The following CHST11 variants were observed in gnomAD, a reference collection of about 807,000 sequenced individuals.
CHST11 encodes carbohydrate sulfotransferase 11.
A neutral mutation model predicts 30.4 loss-of-function variants in CHST11; 9 were observed. The ratio of observed to expected loss-of-function variants is 0.30; its 90% CI spans 0.18 to 0.52. The LOEUF is 0.52. Among genes scored for constraint, CHST11 ranks in the 20% least tolerant of loss-of-function variants. The pLI is 0.97. For missense variants in CHST11, 348 were observed against 460.6 expected (o/e 0.76, Z 2.24); for synonymous variants, 152 against 187.8 (o/e 0.81, Z 1.56).
At chr12:104,608,102 G>A (rs951232198) in intron 2 of CHST11, among the ~76,000 whole-genome samples, 2 of 152,096 alleles carry the variant, frequency 1.3e-5, no homozygotes, top group Non-Finnish European at 2.9e-5. Context: ...GGGCTGGGGT[G>A]TTGATATTTT....
rs2039745621 is a variant in CHST11 at position 104,676,674 on chromosome 12, A to G, written c.204+74683A>G. On this transcript the variant is annotated intron_variant, in intron 2 of 2. Transcript: ENST00000303694. This position sits in a 1 kb window ranked among gnomAD's most constrained non-coding sequence, Gnocchi z 4.4. ...GTGATCGGCCTCCCAAAGTGTTGGG[A>G]TTACAGGCATGAGCCACTGCACCCG... Among the ~76,000 whole-genome samples the G allele has an allele frequency of 6.6e-6, 1 of 152,156 alleles. No individual in the cohort carries two copies. The highest frequency in any genetic ancestry group is 1.5e-5 in the Non-Finnish European group (1 of 68,016).
intron 1 of CHST11, chr12:104,552,784 T>C (rs1356247940): frequency 6.6e-6 from 1 of 152,232 alleles, no homozygotes; most frequent in African/African-American, 2.4e-5. Context: ...TCTGTCTCTA[T>C]GAGAAGAGGA....
chr12:104,527,454 A>G (rs1455024581), intron 1 of CHST11, among the ~76,000 whole-genome samples: 9 of 152,086 alleles, frequency 5.9e-5, no homozygotes, highest in Admixed American at 5.9e-4. Context: ...TGCCTGAGAA[A>G]CTACAGATCC....
At chr12:104,572,687 T>C (rs2038640814) in intron 1 of CHST11, among the ~76,000 whole-genome samples, 1 of 152,228 alleles carries the variant, frequency 6.6e-6, no homozygotes, top group Admixed American at 6.5e-5. Flanking sequence ...CATTGATCTT[T>C]TGAAGGTTTT....
At chr12:104,672,811 C>T (rs1037620168) in intron 2 of CHST11, among the ~76,000 whole-genome samples, 3 of 152,236 alleles carry the variant, frequency 2.0e-5, no homozygotes, top group African/African-American at 7.2e-5. Context: ...TCCCGCATGG[C>T]ACCTCTGTTC....
chr12:104,484,728 G>A (rs1333457596), intron 1 of CHST11, among the ~76,000 whole-genome samples: 4 of 152,190 alleles, frequency 2.6e-5, no homozygotes, highest in Non-Finnish European at 5.9e-5. Flanking sequence ...AGTAACAATG[G>A]CGTTAAGTTA....
intron 2 of CHST11, among the ~76,000 whole-genome samples, chr12:104,637,989 C>T (rs2039341831): frequency 6.6e-6 from 1 of 152,206 alleles, no homozygotes; most frequent in Non-Finnish European, 1.5e-5. Context: ...ACCACCTCCT[C>T]AGTGCCTAGC....
intron 2 of CHST11, among the ~76,000 whole-genome samples, chr12:104,659,616 T>A (rs2039578928): frequency 6.6e-6 from 1 of 152,208 alleles, no homozygotes; most frequent in African/African-American, 2.4e-5. Flanking sequence ...TTATATTGAT[T>A]TTATGTTGAA....
chr12:104,640,031 CACTT>C (rs1253599083), intron 2 of CHST11, among the ~76,000 whole-genome samples: 1 of 152,154 alleles, frequency 6.6e-6, no homozygotes, highest in Non-Finnish European at 1.5e-5. Context: ...AATGAAATAA[CACTT>C]AATACCTATT....
At chr12:104,744,718 A>G (rs981835209) in intron 2 of CHST11, among the ~76,000 whole-genome samples, 3 of 152,092 alleles carry the variant, frequency 2.0e-5, no homozygotes, top group Admixed American at 1.3e-4. Flanking sequence ...GTTGTCTTCT[A>G]GGGTTTTTAT....
intron 2 of CHST11, among the ~76,000 whole-genome samples, chr12:104,722,739 A>G (rs1249774753): frequency 6.6e-6 from 1 of 151,988 alleles, no homozygotes; most frequent in African/African-American, 2.4e-5. Context: ...CCTGCAGGTC[A>G]TCTTTCTGTT....
At chr12:104,694,459 G>A (rs1237709512) in intron 2 of CHST11, among the ~76,000 whole-genome samples, 1 of 152,044 alleles carries the variant, frequency 6.6e-6, no homozygotes, top group Non-Finnish European at 1.5e-5. Flanking sequence ...TGCCACTTTT[G>A]AAAAAAATGT....
intron 2 of CHST11, among the ~76,000 whole-genome samples, chr12:104,604,754 G>GT (rs761094684): frequency 6.6e-6 from 1 of 152,102 alleles, no homozygotes; most frequent in Non-Finnish European, 1.5e-5. Flanking sequence ...TGGTGTTTCC[G>GT]TTTTTTGTAC....
At chr12:104,592,497 A>G (rs1242906938) in intron 1 of CHST11, among the ~76,000 whole-genome samples, 5 of 152,128 alleles carry the variant, frequency 3.3e-5, no homozygotes, top group Non-Finnish European at 5.9e-5. Context: ...AATTCCATTT[A>G]AGAGGGCTCT....
intron 2 of CHST11, among the ~76,000 whole-genome samples, chr12:104,636,253 A>T (rs1298017078): frequency 6.6e-6 from 1 of 152,146 alleles, no homozygotes; most frequent in Non-Finnish European, 1.5e-5. Context: ...GTTCAACGCT[A>T]CCACCCTCTA....
At chr12:104,541,467 GTTTTC>G (rs2038286991) in intron 1 of CHST11, among the ~76,000 whole-genome samples, 1 of 152,068 alleles carries the variant, frequency 6.6e-6, no homozygotes, top group Non-Finnish European at 1.5e-5. Flanking sequence ...TAACGATGGT[GTTTTC>G]TTTTTAATTC....
intron 2 of CHST11, among the ~76,000 whole-genome samples, chr12:104,675,545 T>G (rs1267003599): frequency 6.6e-6 from 1 of 152,224 alleles, no homozygotes; most frequent in Non-Finnish European, 1.5e-5. Context: ...AATGAATGAA[T>G]GAACCGAACT....
At chr12:104,558,832 C>A (rs1220247565) in intron 1 of CHST11, among the ~76,000 whole-genome samples, 1 of 152,050 alleles carries the variant, frequency 6.6e-6, no homozygotes, top group Non-Finnish European at 1.5e-5. Flanking sequence ...AGTCACCGCA[C>A]CTGGCCTAGA....
intron 1 of CHST11, among the ~76,000 whole-genome samples, chr12:104,518,412 T>C (rs1386016425): frequency 6.6e-6 from 1 of 152,196 alleles, no homozygotes; most frequent in African/African-American, 2.4e-5. Context: ...TCACTAATTA[T>C]ATGGGCTCGG....
Sources: allele counts gnomAD v4.1 joint callset (sites outside exome capture counted in the v4.1 genomes callset), GRCh38; gene constraint gnomAD v4.1.1; non-coding constraint Gnocchi (gnomAD v3.1); transcripts MANE v1.5; gene names NCBI Gene and HGNC (gene_info 2026-07-23, HGNC 2026-07-21).